Variants in CSMD1 observed in about 807,000 individuals in gnomAD.
CSMD1 encodes the protein CUB and sushi domain-containing protein 1.
Under a neutral mutation model 417.5 loss-of-function variants are expected in CSMD1, and 213 were observed. The observed-to-expected ratio is 0.51, with a 90% CI of 0.46 to 0.57. The LOEUF is 0.57. Among genes scored for constraint, CSMD1 ranks in the 20% least tolerant of loss-of-function variants. The probability of loss-of-function intolerance (pLI) is 0.00; values close to 1 mark genes in which losing one functional copy is unlikely to be tolerated. For synonymous variants in CSMD1, 2,862 were observed against 1,736.8 expected (o/e 1.65, Z -16.11); for missense variants, 6,923 against 4,529.7 (o/e 1.53, Z -15.17).
chr8:3,488,241 T>A lies in CSMD1; in HGVS notation c.1448+5382A>T, dbSNP rs182603577. Reference sequence around the variant, plus strand: ...CCTTAGCCTCCTGAGTAGCTGGGACTGCAGGCATGCACCACCACACCCGGC... The same window carrying A: ...CCTTAGCCTCCTGAGTAGCTGGGACAGCAGGCATGCACCACCACACCCGGC... On this transcript the variant is annotated intron_variant, in intron 11 of 69. Transcript: ENST00000635120. Among the ~76,000 whole-genome samples, 14 of 152,230 alleles carry A rather than the reference T, an allele frequency of 9.2e-5. No homozygotes were observed. In the East Asian group the frequency reaches 2.7e-3, roughly 30 times the overall value.
chr8:4,172,208 A>C (rs146915027), intron 3 of CSMD1, among the ~76,000 whole-genome samples: 1 of 152,310 alleles, frequency 6.6e-6, no homozygotes, highest in East Asian at 1.9e-4. Context: ...CATCTAAAAT[A>C]AAACACTGGA....
At chr8:4,612,552 G>C (rs866371216) in intron 2 of CSMD1, among the ~76,000 whole-genome samples, 14 of 152,118 alleles carry the variant, frequency 9.2e-5, no homozygotes, top group Non-Finnish European at 1.9e-4. Context: ...CCACACCGAG[G>C]AACTGGAGGA....
intron 1 of CSMD1, among the ~76,000 whole-genome samples, chr8:4,881,870 C>G (rs1803424835): frequency 6.6e-6 from 1 of 151,930 alleles, no homozygotes; most frequent in Non-Finnish European, 1.5e-5. Flanking sequence ...TGTTATTTTT[C>G]AACACTTTTA....
chr8:3,291,619 T>C (rs1020590842), intron 25 of CSMD1, among the ~76,000 whole-genome samples: 10 of 152,170 alleles, frequency 6.6e-5, no homozygotes, highest in Non-Finnish European at 1.5e-4. Context: ...TGCATAGAGG[T>C]GTTTATAGTA....
intron 1 of CSMD1, among the ~76,000 whole-genome samples, chr8:4,950,357 G>C (rs1428742015): frequency 6.6e-6 from 1 of 150,654 alleles, no homozygotes. Context: ...ATTTTCAAAA[G>C]TTAAATAAGT....
At chr8:2,997,214 C>A (rs1806984393) in intron 54 of CSMD1, among the ~76,000 whole-genome samples, 1 of 152,212 alleles carries the variant, frequency 6.6e-6, no homozygotes, top group African/African-American at 2.4e-5. Context: ...CTTTACTTAG[C>A]CTTTGAGCTT....
chr8:4,327,155 A>G (rs918275497), intron 3 of CSMD1, among the ~76,000 whole-genome samples: 12 of 152,204 alleles, frequency 7.9e-5, no homozygotes, highest in African/African-American at 2.9e-4. Context: ...ACTAGACAAC[A>G]AATGTTAGAT....
At chr8:4,811,707 A>G (rs1279582436) in intron 1 of CSMD1, among the ~76,000 whole-genome samples, 1 of 152,148 alleles carries the variant, frequency 6.6e-6, no homozygotes, top group Admixed American at 6.5e-5. Context: ...TAAGAAAAAA[A>G]ATGAATACTG....
chr8:4,059,881 C>G (rs539660992), intron 3 of CSMD1, among the ~76,000 whole-genome samples: 1 of 150,938 alleles, frequency 6.6e-6, no homozygotes, highest in Non-Finnish European at 1.5e-5. Context: ...GGAACTGGTA[C>G]CATTCCTTCT....
chr8:4,125,287 C>T (rs1050047440), intron 3 of CSMD1, among the ~76,000 whole-genome samples: 1 of 152,196 alleles, frequency 6.6e-6, no homozygotes, highest in African/African-American at 2.4e-5. Flanking sequence ...GAGATAAATG[C>T]GAATCTGACT....
chr8:4,704,817 T>G (rs1807815318), intron 1 of CSMD1, among the ~76,000 whole-genome samples: 1 of 152,140 alleles, frequency 6.6e-6, no homozygotes, highest in Non-Finnish European at 1.5e-5. Context: ...AGCTTGGAAG[T>G]GCTTCCTACT....
chr8:4,934,129 G>C (rs185775802), intron 1 of CSMD1, among the ~76,000 whole-genome samples: 1 of 152,164 alleles, frequency 6.6e-6, no homozygotes, highest in South Asian at 2.1e-4. Flanking sequence ...CCTTTGACAA[G>C]GAACTCCTGG....
chr8:4,454,496 A>C (rs971756160), intron 2 of CSMD1, among the ~76,000 whole-genome samples: 3 of 152,170 alleles, frequency 2.0e-5, no homozygotes, highest in Non-Finnish European at 2.9e-5. Flanking sequence ...CTAGTCACAT[A>C]TACAATCCTT....
chr8:4,554,640 G>T (rs1798011708), intron 2 of CSMD1, among the ~76,000 whole-genome samples: 1 of 152,144 alleles, frequency 6.6e-6, no homozygotes. Context: ...TTGCTAAGTT[G>T]CCATAGGCAA....
chr8:4,460,117 G>A (rs952341414), intron 2 of CSMD1, among the ~76,000 whole-genome samples: 5 of 152,054 alleles, frequency 3.3e-5, no homozygotes, highest in African/African-American at 4.8e-5. Context: ...CCATGCCACA[G>A]AACTACTTTC....
chr8:4,710,069 TG>T (rs1001579884), intron 1 of CSMD1, among the ~76,000 whole-genome samples: 1 of 152,128 alleles, frequency 6.6e-6, no homozygotes, highest in African/African-American at 2.4e-5. Context: ...TTGGAAAATC[TG>T]GGGCAAGAAC....
At chr8:3,312,126 G>A (rs915414495) in intron 23 of CSMD1, among the ~76,000 whole-genome samples, 2 of 151,426 alleles carry the variant, frequency 1.3e-5, no homozygotes, top group Non-Finnish European at 3.0e-5. Flanking sequence ...GAAAAAAGAT[G>A]TATCCATTAA....
chr8:3,638,357 T>C, intron 7 of CSMD1, among the ~76,000 whole-genome samples: 1 of 151,978 alleles, frequency 6.6e-6, no homozygotes, highest in East Asian at 1.9e-4. Context: ...CTTCAGTGTG[T>C]CCCAAGAGGC....
At chr8:3,403,389 G>A (rs998188328) in intron 15 of CSMD1, among the ~76,000 whole-genome samples, 1 of 152,278 alleles carries the variant, frequency 6.6e-6, no homozygotes, top group East Asian at 1.9e-4. Context: ...GTACCCGCCT[G>A]TTCCATCGGA....
Sources: gnomAD v4.1 joint callset for allele counts (sites outside exome capture counted in the v4.1 genomes callset) on GRCh38, gnomAD v4.1.1 for gene constraint, MANE v1.5 for transcripts, NCBI Gene and HGNC (gene_info 2026-07-23, HGNC 2026-07-21) for gene names.